Variants in PCDHGA7 observed in about 807,000 individuals in gnomAD.
PCDHGA7 encodes protocadherin gamma-A7.
A neutral mutation model predicts 58.3 loss-of-function variants in PCDHGA7; 44 were observed. The observed-to-expected ratio is 0.75, with a 90% CI of 0.59 to 0.97. PCDHGA7 has a LOEUF of 0.97. PCDHGA7 is among the 50% of genes least tolerant of loss of function. The pLI is 0.00. For synonymous variants in PCDHGA7, 516 were observed against 504.2 expected (o/e 1.02, Z -0.31); for missense variants, 1,266 against 1,188.7 (o/e 1.06, Z -0.96).
chr5:141,415,026 G>T, intron 1 of PCDHGA7: 2 of 1,613,590 alleles, frequency 1.2e-6, no homozygotes, highest in Non-Finnish European at 1.7e-6. Context: ...AGGCCAGCGA[G>T]CCGGGACTCT....
In PCDHGA7 at chr5:141,430,862, G is replaced by A. The variant is rs1365140768; in HGVS notation, c.2424+45539G>A. ...CGGATGCACCCAGATACGCTATTCA[G>A]TTCCGGAAGAGCTGGAGAAAGGCTC... is the stretch of plus-strand genomic sequence containing the variant. On this transcript the variant is annotated intron_variant, in intron 1 of 3. Transcript: ENST00000518325. 3 of 1,594,672 alleles carry A rather than the reference G, an allele frequency of 1.9e-6. No individual in the cohort carries two copies. The African/African-American group carries it at 4.0e-5, about 21-fold the overall frequency.
rs953182246 is a variant in PCDHGA7, at chr5:141,511,757, C to T, written c.*584C>T. ...CTCAAGTTTTGGAGGACATGATCAC[C>T]ATCCCCATGGTACTGATGCTTGCTG... is the stretch of plus-strand genomic sequence containing the variant. On this transcript the variant is annotated 3_prime_UTR_variant, in exon 4 of 4. Coordinates refer to ENST00000518325, the MANE Select transcript of PCDHGA7 (RefSeq NM_018920.4). The T allele has an allele frequency of 6.9e-5, 12 of 174,122 alleles. No individual in the cohort carries two copies. The highest frequency in any genetic ancestry group is 2.8e-4 in the African/African-American group (12 of 42,412). The allele number at this position is 174,122 out of a possible 1,614,324, so 10.8% of individuals were successfully genotyped here.
intron 1 of PCDHGA7, chr5:141,433,087 A>G (rs769187557): frequency 6.2e-7 from 1 of 1,614,206 alleles, no homozygotes. Context: ...CCAACTATGC[A>G]GACATGCTCG....
chr5:141,415,627 A>T, intron 1 of PCDHGA7: 1 of 1,598,406 alleles, frequency 6.3e-7, no homozygotes, highest in Non-Finnish European at 8.5e-7. Context: ...TTTTATTTTC[A>T]TTTTTACTTT....
chr5:141,414,404 T>A, intron 1 of PCDHGA7: 1 of 1,613,886 alleles, frequency 6.2e-7, no homozygotes, highest in Non-Finnish European at 8.5e-7. Context: ...AGATTGGTGA[T>A]ACACAGAGCC....
rs1399844519 is a variant in PCDHGA7 at position 141,477,484 on chromosome 5, A to G, written c.2425-17323A>G. 1.2e-6 allele frequency: 2 copies of G among 1,614,014 alleles called. No homozygotes were observed. The highest frequency in any genetic ancestry group is 1.7e-6 in the Non-Finnish European group (2 of 1,180,006). ...CCGACATCAATGACAACCCTCCACAATCTTCTCAATCTTCCTACGACGTTT... is the reference window on the plus strand; with the variant it reads ...CCGACATCAATGACAACCCTCCACAGTCTTCTCAATCTTCCTACGACGTTT... On this transcript the variant is annotated intron_variant, in intron 1 of 3. Coordinates refer to ENST00000518325, the MANE Select transcript of PCDHGA7 (RefSeq NM_018920.4). This position sits in a 1 kb window ranked among gnomAD's most constrained non-coding sequence, Gnocchi z 4.9.
chr5:141,507,601 A>G (rs2099861935), intron 3 of PCDHGA7, among the ~76,000 whole-genome samples: 1 of 152,254 alleles, frequency 6.6e-6, no homozygotes, highest in South Asian at 2.1e-4. Flanking sequence ...TGAGGGAAAT[A>G]AACAGGTATA....
In PCDHGA7 at chr5:141,487,169, G is replaced by A. The variant is rs1259980100; in HGVS notation, c.2425-7638G>A. On this transcript the variant is annotated intron_variant, in intron 1 of 3. Coordinates refer to ENST00000518325, the MANE Select transcript of PCDHGA7 (RefSeq NM_018920.4). The surrounding 1 kb of genome is among the most constrained non-coding windows in gnomAD (Gnocchi z 5.0). ...CTCTGTTACTCTCTTAGTGTCCTTA[G>A]AGGAAGACACTCATCCAGTTGTCCC... 6.2e-7 allele frequency: 1 copy of A among 1,613,086 alleles called. No homozygotes were observed. Among genetic ancestry groups the A allele is most frequent in the South Asian group, 1.1e-5 (1 of 91,072 alleles).
intron 1 of PCDHGA7, chr5:141,419,895 C>G (rs1209315374): frequency 6.2e-7 from 1 of 1,613,916 alleles, no homozygotes; most frequent in Non-Finnish European, 8.5e-7. Context: ...AGCGACCATC[C>G]CACACCCTCT....
intron 1 of PCDHGA7, among the ~76,000 whole-genome samples, chr5:141,461,376 T>C (rs2099014225): frequency 6.6e-6 from 1 of 152,184 alleles, no homozygotes; most frequent in South Asian, 2.1e-4. Context: ...AATTTGCATT[T>C]TCCTGATGAT....
chr5:141,502,862 C>T (rs2099816351), intron 2 of PCDHGA7, among the ~76,000 whole-genome samples: 1 of 68,558 alleles, frequency 1.5e-5, no homozygotes, highest in African/African-American at 1.0e-4. Context: ...CCCTGACTCT[C>T]TGTCTTTTTT....
chr5:141,474,430 C>T (rs2099349577), intron 1 of PCDHGA7, among the ~76,000 whole-genome samples: 1 of 152,212 alleles, frequency 6.6e-6, no homozygotes, highest in African/African-American at 2.4e-5. Flanking sequence ...TTGGTCCTCA[C>T]ACTTTGAGTA....
rs1264130543 is a variant in PCDHGA7 at position 141,485,467 on chromosome 5, C to T, written c.2425-9340C>T. 2 of 1,614,112 alleles carry T rather than the reference C, an allele frequency of 1.2e-6. No homozygotes were observed. The highest frequency in any genetic ancestry group is 1.7e-6 in the Non-Finnish European group (2 of 1,180,024). On this transcript the variant is annotated intron_variant, in intron 1 of 3. Transcript: ENST00000518325. The surrounding 1 kb of genome is among the most constrained non-coding windows in gnomAD (Gnocchi z 5.7). ...TCGACCGAGAGGCACTGTGTGGGCT[C>T]AGTGCCAGCTGCATCGTGCCCCTGG... is the stretch of plus-strand genomic sequence containing the variant.
intron 1 of PCDHGA7, chr5:141,415,066 C>G: frequency 6.2e-7 from 1 of 1,613,410 alleles, no homozygotes; most frequent in Non-Finnish European, 8.5e-7. Context: ...GGGCGAGGTG[C>G]GCACGGCGCG....
chr5:141,422,070 A>G (rs1202364320), intron 1 of PCDHGA7: 3 of 1,612,480 alleles, frequency 1.9e-6, no homozygotes, highest in Non-Finnish European at 2.5e-6. Context: ...TAATGTATTC[A>G]TTTCGGAACA....
chr5:141,390,144 G>A, intron 1 of PCDHGA7: 1 of 1,614,036 alleles, frequency 6.2e-7, no homozygotes, highest in South Asian at 1.1e-5. Context: ...CAATCTATGT[G>A]TTGCACATAC....
intron 1 of PCDHGA7, chr5:141,412,306 A>G (rs1160364599): frequency 1.3e-5 from 2 of 152,238 alleles, no homozygotes; most frequent in Non-Finnish European, 2.9e-5. Flanking sequence ...TCTCATTACA[A>G]TGCAAACAGT....
chr5:141,431,984 G>A lies in PCDHGA7; in HGVS notation c.2424+46661G>A, dbSNP rs758365921. 2 of 1,614,220 alleles carry A rather than the reference G, an allele frequency of 1.2e-6. No individual in the cohort carries two copies. The highest frequency in any genetic ancestry group is 2.2e-5 in the South Asian group (2 of 91,086). On this transcript the variant is annotated intron_variant, in intron 1 of 3. Transcript: ENST00000518325. The surrounding 1 kb of genome is among the most constrained non-coding windows in gnomAD (Gnocchi z 4.8). ...TTACTATAGTTTAGTCACAGACATAGTCTTGGATAGGGAACAGGTTCCTAG... is the reference window on the plus strand; with the variant it reads ...TTACTATAGTTTAGTCACAGACATAATCTTGGATAGGGAACAGGTTCCTAG...
Position 141,486,058 on chromosome 5 carries a change from G to A in PCDHGA7, c.2425-8749G>A. On this transcript the variant is annotated intron_variant, in intron 1 of 3. Transcript: ENST00000518325. The surrounding 1 kb of genome is among the most constrained non-coding windows in gnomAD (Gnocchi z 5.0). The stretch of plus-strand genomic sequence containing the variant: ...ATCGTGTAAGAAACCTCTTTAGCCT[G>A]CACCCCACTACTGGAAAGCTTACTC... The A allele has an allele frequency of 6.2e-7, 1 of 1,614,122 alleles. No homozygotes were observed. The highest frequency in any genetic ancestry group is 8.5e-7 in the Non-Finnish European group (1 of 1,180,012).
Sources: allele counts gnomAD v4.1 joint callset (sites outside exome capture counted in the v4.1 genomes callset), GRCh38; gene constraint gnomAD v4.1.1; non-coding constraint Gnocchi (gnomAD v3.1); transcripts MANE v1.5; gene names NCBI Gene and HGNC (gene_info 2026-07-23, HGNC 2026-07-21).